Variants in REDIC1 observed in about 807,000 individuals in gnomAD.
REDIC1 encodes regulator of DNA class I crossover intermediates 1, also known as HEI10 Interacting Protein 1.
At chr12:39,739,306 A>G in the REDIC1 span, among the ~76,000 whole-genome samples, 10 of 152,348 alleles carry the variant, frequency 6.6e-5, no homozygotes, top group South Asian at 1.9e-3. Context: ...AAATTAGTTG[A>G]GACAGCCCCT....
chr12:39,849,750 C>T, the REDIC1 span, among the ~76,000 whole-genome samples: 1 of 150,882 alleles, frequency 6.6e-6, no homozygotes, highest in Admixed American at 6.6e-5. Flanking sequence ...TTAGCCTTTT[C>T]TAGTATTTGT....
At chr12:39,712,125 C>CATA in the REDIC1 span, among the ~76,000 whole-genome samples, 1 of 126,448 alleles carries the variant, frequency 7.9e-6, no homozygotes. Context: ...TGTATATATA[C>CATA]CTGTATGTAC....
At chr12:39,740,543 G>A in the REDIC1 span, among the ~76,000 whole-genome samples, 1 of 152,110 alleles carries the variant, frequency 6.6e-6, no homozygotes, top group Non-Finnish European at 1.5e-5. Context: ...ACTTTACAAG[G>A]TATAAGTGAT....
the REDIC1 span, among the ~76,000 whole-genome samples, chr12:39,836,190 C>T: frequency 6.6e-6 from 1 of 152,066 alleles, no homozygotes; most frequent in Non-Finnish European, 1.5e-5. Context: ...GACTATTTTT[C>T]TCAATTGTAG....
At chr12:39,807,176 T>C in the REDIC1 span, among the ~76,000 whole-genome samples, 1 of 152,188 alleles carries the variant, frequency 6.6e-6, no homozygotes, top group Non-Finnish European at 1.5e-5. Flanking sequence ...GCCAACCTAG[T>C]GGTCATGAGG....
the REDIC1 span, among the ~76,000 whole-genome samples, chr12:39,774,299 T>C: frequency 6.6e-6 from 1 of 152,166 alleles, no homozygotes. Flanking sequence ...ACCCAAGTTA[T>C]AAGAAATTCT....
chr12:39,734,696 T>C, the REDIC1 span, among the ~76,000 whole-genome samples: 2 of 152,240 alleles, frequency 1.3e-5, no homozygotes, highest in African/African-American at 2.4e-5. Context: ...TGACCATACA[T>C]GTGAGTTTGA....
At chr12:39,644,065 A>G in the REDIC1 span, 1 of 572,176 alleles carries the variant, frequency 1.7e-6, no homozygotes, top group Non-Finnish European at 3.0e-6. Flanking sequence ...TGCCTAGTTA[A>G]TATCTGCTTA....
the REDIC1 span, among the ~76,000 whole-genome samples, chr12:39,884,899 AGGATCATACATGG>A: frequency 6.6e-6 from 1 of 152,350 alleles, no homozygotes; most frequent in South Asian, 2.1e-4. Flanking sequence ...AAATCAGCCA[AGGATCATACATGG>A]GGAGAACTGG....
chr12:39,898,788 A>T, the REDIC1 span, among the ~76,000 whole-genome samples: 150,801 of 152,258 alleles, frequency 0.99, 74,701 homozygotes, highest in Middle Eastern at 1. Context: ...TTATTCTCTC[A>T]CAGCATGAAC....
the REDIC1 span, among the ~76,000 whole-genome samples, chr12:39,714,228 CATATATGT>C: frequency 0.014 from 491 of 35,344 alleles, 40 homozygotes; most frequent in African/African-American, 0.033. Context: ...TATATGCATG[CATATATGT>C]ATATATGTAT....
the REDIC1 span, among the ~76,000 whole-genome samples, chr12:39,664,396 G>A: frequency 6.6e-6 from 1 of 152,072 alleles, no homozygotes. Flanking sequence ...CCCTACAAAG[G>A]ACATGAACTC....
chr12:39,775,479 C>G, the REDIC1 span, among the ~76,000 whole-genome samples: 1 of 152,328 alleles, frequency 6.6e-6, no homozygotes, highest in Non-Finnish European at 1.5e-5. Context: ...CAGAGGAGCC[C>G]TGAACTCTGC....
chr12:39,691,237 C>G, the REDIC1 span, among the ~76,000 whole-genome samples: 1 of 151,932 alleles, frequency 6.6e-6, no homozygotes, highest in African/African-American at 2.4e-5. Flanking sequence ...CAAGGGAGGC[C>G]GGGAAATACA....
the REDIC1 span, among the ~76,000 whole-genome samples, chr12:39,836,173 G>C: frequency 6.6e-6 from 1 of 152,066 alleles, no homozygotes; most frequent in Admixed American, 6.6e-5. Context: ...AGTGTGCCTG[G>C]AATTCAGACT....
the REDIC1 span, among the ~76,000 whole-genome samples, chr12:39,753,504 CAT>C: frequency 2.6e-5 from 4 of 152,216 alleles, no homozygotes; most frequent in South Asian, 8.3e-4. Context: ...CAGGAGGACA[CAT>C]ATGGAAAAGA....
the REDIC1 span, among the ~76,000 whole-genome samples, chr12:39,717,802 A>C: frequency 6.6e-6 from 1 of 152,136 alleles, no homozygotes; most frequent in Non-Finnish European, 1.5e-5. Flanking sequence ...GATTGTCTAA[A>C]GTCAGATTTT....
the REDIC1 span, among the ~76,000 whole-genome samples, chr12:39,860,094 T>C: frequency 6.6e-6 from 1 of 152,116 alleles, no homozygotes; most frequent in African/African-American, 2.4e-5. Flanking sequence ...CAATAACTCC[T>C]AAAGAACTGT....
chr12:39,720,938 A>T, the REDIC1 span: 3 of 1,613,740 alleles, frequency 1.9e-6, no homozygotes, highest in Non-Finnish European at 2.5e-6. Context: ...AAAATTCACA[A>T]ACAGAATGAG....
Sources: gnomAD v4.1 joint callset for allele counts (sites outside exome capture counted in the v4.1 genomes callset) on GRCh38, gnomAD v4.1.1 for gene constraint, MANE v1.5 for transcripts, NCBI Gene and HGNC (gene_info 2026-07-23, HGNC 2026-07-21) for gene names.